Variants in AGXT2 observed in about 807,000 individuals in gnomAD.
AGXT2 encodes alanine--glyoxylate aminotransferase 2, mitochondrial.
A neutral mutation model predicts 62.5 loss-of-function variants in AGXT2; 61 were observed. The observed-to-expected ratio is 0.98, with a 90% CI of 0.79 to 1.21. The LOEUF is 1.21. Among genes scored for constraint, AGXT2 ranks in the 50% most tolerant of loss-of-function variants. The pLI, the probability that AGXT2 is intolerant of heterozygous loss-of-function variation, is 0.00. For missense variants in AGXT2, 666 were observed against 641.5 expected (o/e 1.04, Z -0.41); for synonymous variants, 243 against 218.7 (o/e 1.11, Z -0.98).
chr5:35,017,536 G>A (rs75056514), intron 9 of AGXT2, among the ~76,000 whole-genome samples: 1 of 152,168 alleles, frequency 6.6e-6, no homozygotes, highest in Non-Finnish European at 1.5e-5. Context: ...GACTCTCATT[G>A]TCTCTTGTCT....
chr5:34,999,187 A>G (rs1488816090), intron 13 of AGXT2, among the ~76,000 whole-genome samples: 1 of 151,960 alleles, frequency 6.6e-6, no homozygotes, highest in Non-Finnish European at 1.5e-5. Flanking sequence ...TATTGCCACA[A>G]CTCCCAGAAT....
At chr5:35,025,898 G>C (rs1409846777) in intron 8 of AGXT2, 43 bp from the exon 9 acceptor site, 7 of 1,548,620 alleles carry the variant, frequency 4.5e-6, no homozygotes, top group Non-Finnish European at 5.4e-6. Context: ...AATAGCATCA[G>C]CCCTTTCAAA....
chr5:35,022,875 C>T (rs1030804573), intron 9 of AGXT2, among the ~76,000 whole-genome samples: 2 of 151,444 alleles, frequency 1.3e-5, no homozygotes, highest in African/African-American at 2.4e-5. Context: ...TGTTTTTCTT[C>T]TACATTTTTC....
chr5:35,033,044 G>C (rs1767631578), intron 6 of AGXT2: 2 of 553,094 alleles, frequency 3.6e-6, no homozygotes, highest in South Asian at 1.9e-5. Context: ...TTCAATGTTA[G>C]CCTGGAAACA....
At chr5:35,027,039 G>T (rs1287854745) in intron 7 of AGXT2, 6 of 985,066 alleles carry the variant, frequency 6.1e-6, no homozygotes, top group African/African-American at 1.7e-5. Context: ...AGAGCTAGGT[G>T]GCTTCCATCC....
chr5:35,031,673 T>C (rs1767561533), intron 7 of AGXT2, among the ~76,000 whole-genome samples: 1 of 152,208 alleles, frequency 6.6e-6, no homozygotes, highest in African/African-American at 2.4e-5. Flanking sequence ...GATTGGTAAA[T>C]GGAAGTTCTC....
intron 13 of AGXT2, among the ~76,000 whole-genome samples, chr5:34,999,458 G>T (rs1306927045): frequency 2.0e-5 from 3 of 151,924 alleles, no homozygotes; most frequent in African/African-American, 7.3e-5. Context: ...CCCTTTTTCT[G>T]CTGCACCCAC....
intron 12 of AGXT2, among the ~76,000 whole-genome samples, chr5:35,005,541 A>T (rs1194509913): frequency 6.6e-6 from 1 of 151,828 alleles, no homozygotes; most frequent in Non-Finnish European, 1.5e-5. Flanking sequence ...GACAGTTTTG[A>T]ATGGGTGGAG....
chr5:35,029,660 C>A (rs1288485007), intron 7 of AGXT2, among the ~76,000 whole-genome samples: 1 of 152,082 alleles, frequency 6.6e-6, no homozygotes, highest in African/African-American at 2.4e-5. Flanking sequence ...GAGTGAGGAG[C>A]CAAGAAAGAA....
At chr5:35,012,225 A>G (rs1766670106) in intron 11 of AGXT2, among the ~76,000 whole-genome samples, 1 of 151,746 alleles carries the variant, frequency 6.6e-6, no homozygotes, top group Admixed American at 6.6e-5. Flanking sequence ...CCCAAAAGCT[A>G]TTGAAATAAA....
chr5:35,036,989 G>A lies in AGXT2; in HGVS notation c.439C>T (p.His147Tyr). 1.9e-6 allele frequency: 3 copies of A among 1,614,188 alleles called. No homozygotes were observed. Among genetic ancestry groups the A allele is most frequent in the Non-Finnish European group, 2.5e-6 (3 of 1,180,020 alleles). ...TSTVFFHPPM[H>Y]EYAEKLAALL... ...GCGGCAAGCTTCTCTGCATATTCAT[G>A]CATTGGAGGGTGGAAGAAGACGGTG... The change falls in exon 4 of 14, where the codon CAT (histidine) becomes TAT (tyrosine). Residue 147 changes from histidine to tyrosine, a missense_variant. Coordinates refer to ENST00000231420, the MANE Select transcript of AGXT2 (RefSeq NM_031900.4).
intron 8 of AGXT2, 28 bp from the exon 9 acceptor site, chr5:35,025,883 A>G (rs372014007): frequency 1.9e-6 from 3 of 1,587,474 alleles, no homozygotes; most frequent in Non-Finnish European, 1.7e-6. Context: ...AAGAAGACCT[A>G]TAATAATAGC....
At chr5:35,033,233 T>G in intron 6 of AGXT2, 1 of 540,750 alleles carries the variant, frequency 1.8e-6, no homozygotes, top group East Asian at 3.3e-5. Flanking sequence ...TTGATTTTAT[T>G]TAAAAGCAAA....
rs76971465 is a variant in AGXT2, at chr5:35,004,702, T to G, written c.1339-841A>C. 7.9e-5 allele frequency among the ~76,000 whole-genome samples: 12 copies of G among 152,336 alleles called. No homozygotes were observed. The East Asian group carries it at 2.3e-3, about 29-fold the overall frequency. The stretch of plus-strand genomic sequence containing the variant: ...GAAGCAGGGCTTAGGCATCTGCATT[T>G]TTAAAATGGTCCTCAGGTGACCGGG... On this transcript the variant is annotated intron_variant, in intron 12 of 13. Coordinates refer to ENST00000231420, the MANE Select transcript of AGXT2 (RefSeq NM_031900.4).
intron 9 of AGXT2, among the ~76,000 whole-genome samples, chr5:35,017,163 A>C (rs533741146): frequency 1.3e-5 from 2 of 151,998 alleles, no homozygotes; most frequent in Non-Finnish European, 2.9e-5. Flanking sequence ...TTCTGCCATG[A>C]TTTGCCCTTT....
chr5:35,006,589 C>T (rs114248339), intron 12 of AGXT2, among the ~76,000 whole-genome samples: 34 of 152,178 alleles, frequency 2.2e-4, no homozygotes, highest in East Asian at 7.7e-4. Flanking sequence ...ATGAGGAATC[C>T]GCCCCCATGA....
At chr5:35,004,569 C>G (rs1766353371) in intron 12 of AGXT2, among the ~76,000 whole-genome samples, 1 of 152,196 alleles carries the variant, frequency 6.6e-6, no homozygotes, top group African/African-American at 2.4e-5. Context: ...ACAAACGTCT[C>G]CCTCTGACTT....
chr5:35,041,150 A>T (rs1405222962), intron 1 of AGXT2, among the ~76,000 whole-genome samples: 1 of 136,310 alleles, frequency 7.3e-6, no homozygotes, highest in Non-Finnish European at 1.5e-5. Context: ...GAATGAGGAG[A>T]GGCAGGTGTT....
At chr5:35,042,735 C>CCT (rs1387293137) in intron 1 of AGXT2, among the ~76,000 whole-genome samples, 15 of 119,954 alleles carry the variant, frequency 1.3e-4, no homozygotes, top group African/African-American at 4.9e-4. Flanking sequence ...CATATGCATA[C>CCT]CTGTGTGTGT....
Sources: allele counts gnomAD v4.1 joint callset (sites outside exome capture counted in the v4.1 genomes callset), GRCh38; gene constraint gnomAD v4.1.1; transcripts MANE v1.5; gene names NCBI Gene and HGNC (gene_info 2026-07-23, HGNC 2026-07-21).